The following FNDC3A variants were observed in gnomAD, a reference collection of about 807,000 sequenced individuals.
FNDC3A encodes fibronectin type III domain containing 3A.
Under a neutral mutation model 148.9 loss-of-function variants are expected in FNDC3A, and 32 were observed. The ratio of observed to expected loss-of-function variants is 0.21; its 90% CI spans 0.16 to 0.29. The LOEUF is 0.29. Among genes scored for constraint, FNDC3A ranks in the 10% least tolerant of loss-of-function variants. The pLI, the probability that FNDC3A is intolerant of heterozygous loss-of-function variation, is 1.00. For synonymous variants in FNDC3A, 472 were observed against 473.6 expected, an observed-to-expected ratio of 1.00 and a Z score of 0.04; for missense variants, 1,191 against 1,452.8, an observed-to-expected ratio of 0.82 and a Z score of 2.93.
At chr13:49,021,444 T>A (rs1170400325) in intron 2 of FNDC3A, among the ~76,000 whole-genome samples, 1 of 151,994 alleles carries the variant, frequency 6.6e-6, no homozygotes, top group Non-Finnish European at 1.5e-5. Context: ...GCCAGACAGG[T>A]CAAATATGAC....
chr13:49,110,176 A>G lies in FNDC3A; in HGVS notation c.176-4479A>G, dbSNP rs918125235. On this transcript the variant is annotated intron_variant, in intron 3 of 25. Coordinates refer to ENST00000492622, the MANE Select transcript of FNDC3A (RefSeq NM_001079673.2). ...TCATTTAATCTTTTTTTTCCCCTAT[A>G]TCAGAAATGCTGCAAGCGGGAACGT... The G allele has an allele frequency of 1.5e-5, 7 of 455,506 alleles. No homozygotes were observed. The East Asian group carries it at 2.1e-4, about 13-fold the overall frequency. 28.2% of individuals were successfully genotyped at this position (455,506 alleles called of 1,614,324 possible).
intron 2 of FNDC3A, among the ~76,000 whole-genome samples, chr13:49,071,701 T>C (rs1877703796): frequency 6.7e-6 from 1 of 149,382 alleles, no homozygotes; most frequent in African/African-American, 2.5e-5. Context: ...TCAGATCTTT[T>C]GCCTATTTTT....
At chr13:49,088,370 G>A (rs544029940) in intron 3 of FNDC3A, among the ~76,000 whole-genome samples, 2 of 151,986 alleles carry the variant, frequency 1.3e-5, no homozygotes, top group Non-Finnish European at 2.9e-5. Flanking sequence ...ATCATGTTTG[G>A]GCACAGTTTT....
At chr13:49,180,548 T>C (rs1002748166) in intron 14 of FNDC3A, among the ~76,000 whole-genome samples, 2 of 152,184 alleles carry the variant, frequency 1.3e-5, no homozygotes, top group African/African-American at 2.4e-5. Context: ...GGATTGTATT[T>C]TTGCTTCATT....
intron 2 of FNDC3A, among the ~76,000 whole-genome samples, chr13:49,057,095 A>G (rs968192994): frequency 4.6e-5 from 7 of 152,154 alleles, no homozygotes; most frequent in Non-Finnish European, 8.8e-5. Flanking sequence ...GGCTTGATGG[A>G]CCAGAAACTA....
intron 4 of FNDC3A, among the ~76,000 whole-genome samples, chr13:49,121,392 G>A (rs372144605): frequency 1.3e-4 from 20 of 152,010 alleles, no homozygotes; most frequent in East Asian, 5.8e-4. Flanking sequence ...ATGAGAAAGC[G>A]GGAAAAATCT....
intron 2 of FNDC3A, among the ~76,000 whole-genome samples, chr13:49,024,850 T>G (rs1239100795): frequency 6.6e-6 from 1 of 151,964 alleles, no homozygotes; most frequent in Non-Finnish European, 1.5e-5. Context: ...GAGTCCCAAA[T>G]TAGCCAACCC....
At chr13:49,180,766 A>G (rs1885260805) in intron 14 of FNDC3A, among the ~76,000 whole-genome samples, 1 of 152,122 alleles carries the variant, frequency 6.6e-6, no homozygotes, top group African/African-American at 2.4e-5. Context: ...ATGGTGGCTC[A>G]CACCTGTAAT....
At chr13:49,077,859 A>G (rs1329020852) in intron 3 of FNDC3A, among the ~76,000 whole-genome samples, 4 of 152,218 alleles carry the variant, frequency 2.6e-5, no homozygotes, top group African/African-American at 9.6e-5. Context: ...AATTTCACAA[A>G]TAGGAAGAGT....
At chr13:48,981,507 A>C (rs1049538088) in intron 1 of FNDC3A, among the ~76,000 whole-genome samples, 1 of 151,840 alleles carries the variant, frequency 6.6e-6, no homozygotes, top group Middle Eastern at 3.2e-3. Context: ...ACCAGAGTTC[A>C]AGCTTTATCC....
intron 2 of FNDC3A, among the ~76,000 whole-genome samples, chr13:49,012,398 C>A (rs1219587210): frequency 6.6e-6 from 1 of 152,138 alleles, no homozygotes; most frequent in African/African-American, 2.4e-5. Context: ...ATTTTTAATT[C>A]TCTTTCATTG....
intron 2 of FNDC3A, among the ~76,000 whole-genome samples, chr13:49,068,108 C>T (rs889618150): frequency 1.3e-4 from 20 of 151,280 alleles, no homozygotes; most frequent in African/African-American, 3.4e-4. Flanking sequence ...CCGAGCTGGG[C>T]GGATCGCTTG....
At chr13:49,032,964 A>G (rs575486892) in intron 2 of FNDC3A, among the ~76,000 whole-genome samples, 1 of 152,164 alleles carries the variant, frequency 6.6e-6, no homozygotes. Flanking sequence ...CAATCCAGAA[A>G]TAAGTTATTA....
intron 12 of FNDC3A, 73 bp from the exon 13 acceptor site, chr13:49,175,294 C>T: frequency 9.5e-7 from 1 of 1,051,236 alleles, no homozygotes; most frequent in Non-Finnish European, 1.3e-6. Flanking sequence ...AAAAAAATTA[C>T]ATCTGTCACA....
chr13:49,170,522 G>A (rs1460987131), intron 10 of FNDC3A, among the ~76,000 whole-genome samples: 1 of 152,052 alleles, frequency 6.6e-6, no homozygotes, highest in East Asian at 1.9e-4. Context: ...CACTAAAGAT[G>A]GTCTTTTTCT....
chr13:49,078,204 T>TTACAAATTA, intron 3 of FNDC3A, among the ~76,000 whole-genome samples: 1 of 152,338 alleles, frequency 6.6e-6, no homozygotes, highest in South Asian at 2.1e-4. Context: ...GAATTATAAG[T>TTACAAATTA]AGCTTATATT....
Position 49,199,217 on chromosome 13 carries a change from C to T in FNDC3A, c.2987+643C>T, listed in dbSNP as rs1210822896. Among the ~76,000 whole-genome samples, 3 of 152,028 alleles carry T rather than the reference C, an allele frequency of 2.0e-5. No individual in the cohort carries two copies. The East Asian group carries it at 5.8e-4, about 29-fold the overall frequency. ...TGTATTTTTAGTAGAGATGGGGTTT[C>T]ACCATGTCGCTCACACTGGTCTCGA... On this transcript the variant is annotated intron_variant, in intron 23 of 25. Coordinates refer to ENST00000492622, the MANE Select transcript of FNDC3A (RefSeq NM_001079673.2).
chr13:49,207,425 C>A lies in FNDC3A; in HGVS notation c.*30C>A. ...ATAACTTTATTTTTTAACTCTATTACATTTTATTTTGTCATGTACTAAAAT... is the reference window on the plus strand; with the variant it reads ...ATAACTTTATTTTTTAACTCTATTAAATTTTATTTTGTCATGTACTAAAAT... On this transcript the variant is annotated 3_prime_UTR_variant, in exon 26 of 26. Coordinates refer to ENST00000492622, the MANE Select transcript of FNDC3A (RefSeq NM_001079673.2). 1.5e-6 allele frequency: 2 copies of A among 1,340,156 alleles called. No individual in the cohort carries two copies. The highest frequency in any genetic ancestry group is 1.4e-5 in the South Asian group (1 of 73,734). The allele number at this position is 1,340,156 out of a possible 1,614,324, so 83.0% of individuals were successfully genotyped here. A position where few individuals can be genotyped will look rare whatever the true frequency, so the allele number is the denominator to read the frequency against.
At chr13:49,048,327 A>T (rs539883182) in intron 2 of FNDC3A, among the ~76,000 whole-genome samples, 1 of 151,982 alleles carries the variant, frequency 6.6e-6, no homozygotes, top group South Asian at 2.1e-4. Context: ...GTGAAGAATG[A>T]TGGTGGTATT....
Sources: allele counts gnomAD v4.1 joint callset (sites outside exome capture counted in the v4.1 genomes callset), GRCh38; gene constraint gnomAD v4.1.1; transcripts MANE v1.5; gene names NCBI Gene and HGNC (gene_info 2026-07-23, HGNC 2026-07-21).